Variants in LAYN observed in about 807,000 individuals in gnomAD.
LAYN encodes layilin.
In LAYN, 38 loss-of-function variants were observed where a neutral mutation model predicts 43.6. The ratio of observed to expected loss-of-function variants is 0.87; its 90% CI spans 0.67 to 1.14. The LOEUF is 1.14. LAYN is among the 50% of genes most tolerant of loss of function. LAYN has a pLI of 0.00. For synonymous variants in LAYN, 168 were observed against 172.9 expected, an observed-to-expected ratio of 0.97 and a Z score of 0.22; for missense variants, 479 against 463.8, an observed-to-expected ratio of 1.03 and a Z score of -0.30.
intron 6 of LAYN, among the ~76,000 whole-genome samples, chr11:111,559,724 G>A (rs994930445): frequency 6.6e-6 from 1 of 152,106 alleles, no homozygotes; most frequent in African/African-American, 2.4e-5. Context: ...CTCCCAAAGT[G>A]TTAGGATTAC....
intron 5 of LAYN, 56 bp from the exon 6 acceptor site, chr11:111,557,485 C>A: frequency 7.1e-7 from 1 of 1,406,500 alleles, no homozygotes; most frequent in Non-Finnish European, 1.0e-6. Context: ...GTTTGAAGCA[C>A]AGAAAAACAA....
At chr11:111,548,020 A>G (rs1867677217) in intron 2 of LAYN, among the ~76,000 whole-genome samples, 1 of 152,182 alleles carries the variant, frequency 6.6e-6, no homozygotes, top group South Asian at 2.1e-4. Context: ...TTCAATTCAT[A>G]TATTTGGGGA....
Position 111,554,569 on chromosome 11 carries a change from G to T in LAYN, c.550G>T (p.Ala184Ser). ...GTTTCTTTCTACTACAGAGAAACCA[G>T]CAGTTCCTTCTAGAGAAGCTGAAGG... ...FICKYSDEKPAVPSREAEGEE... is the reference protein window; with the variant it reads ...FICKYSDEKPSVPSREAEGEE... Residue 184 changes from alanine (A) to serine (S), a missense_variant, in exon 4 of 7, where the codon GCA becomes TCA. Coordinates refer to ENST00000375614, the MANE Select transcript of LAYN (RefSeq NM_178834.5). 6.2e-7 allele frequency: 1 copy of T among 1,612,792 alleles called. No homozygotes were observed. Among genetic ancestry groups the T allele is most frequent in the Non-Finnish European group, 8.5e-7 (1 of 1,179,526 alleles).
intron 2 of LAYN, among the ~76,000 whole-genome samples, chr11:111,546,574 A>G (rs1867652070): frequency 6.6e-6 from 1 of 152,192 alleles, no homozygotes; most frequent in African/African-American, 2.4e-5. Flanking sequence ...GGATTCCTCC[A>G]TGCAGTCACA....
rs760391744 is a variant in LAYN at position 111,555,307 on chromosome 11, C to T, written c.658+17C>T. 2.6e-6 allele frequency: 4 copies of T among 1,563,330 alleles called. No individual in the cohort carries two copies. The highest frequency in any genetic ancestry group is 1.1e-5 in the South Asian group (1 of 89,368). ...AAAGTAGAGGTATCTACAAAACTCTCCTGGGAAAGATGAATAATCAGGCTC... is the reference window on the plus strand; with the variant it reads ...AAAGTAGAGGTATCTACAAAACTCTTCTGGGAAAGATGAATAATCAGGCTC... On this transcript the variant is annotated intron_variant, in intron 5 of 6. Transcript: ENST00000375614.
chr11:111,548,468 G>C (rs1170161982), intron 2 of LAYN, among the ~76,000 whole-genome samples: 2 of 152,208 alleles, frequency 1.3e-5, no homozygotes, highest in East Asian at 1.9e-4. Flanking sequence ...GTCAGGGTAG[G>C]AGGCCCAACA....
At chr11:111,555,073 T>C in intron 4 of LAYN, 134 bp from the exon 5 acceptor site, 1 of 647,438 alleles carries the variant, frequency 1.5e-6, no homozygotes, top group Non-Finnish European at 2.8e-6. Flanking sequence ...AACCCTTTAC[T>C]TTTCTACGTT....
At position 111,561,567 on chromosome 11, in the gene LAYN, A is replaced by C. The variant is rs944167282; in HGVS notation, c.*1109A>C. ...TTGTGTTTGGCCTCAAATTCAGAGA[A>C]AAGTTTCTCAGCCCAGCATCAATCA... On this transcript the variant is annotated 3_prime_UTR_variant, in exon 7 of 7. Transcript: ENST00000375614. 16 of 152,210 alleles carry C rather than the reference A, an allele frequency of 1.1e-4. No individual in the cohort carries two copies. The highest frequency in any genetic ancestry group is 1.8e-4 in the Non-Finnish European group (12 of 68,040). The allele number at this position is 152,210 out of a possible 1,614,324, so 9.4% of individuals were successfully genotyped here. A position where few individuals can be genotyped will look rare whatever the true frequency, so the allele number is the denominator to read the frequency against.
intron 3 of LAYN, 85 bp downstream of exon 3, chr11:111,549,860 T>A: frequency 7.0e-7 from 1 of 1,418,640 alleles, no homozygotes; most frequent in Middle Eastern, 1.8e-4. Flanking sequence ...GAATTTGTCA[T>A]GTGGTCTCTG....
chr11:111,541,716 C>A, intron 1 of LAYN: 1 of 782,032 alleles, frequency 1.3e-6, no homozygotes, highest in Non-Finnish European at 2.2e-6. Flanking sequence ...GACTGGGAAC[C>A]TCCTCTACTC....
Position 111,560,259 on chromosome 11 carries a change from T to C in LAYN, c.926T>C (p.Val309Ala), listed in dbSNP as rs1355547800. Residue 309 changes from valine (V) to alanine (A), a missense_variant, in exon 7 of 7, where the codon GTG becomes GCG. Val to Ala is a moderately conservative substitution (Grantham distance 64). Coordinates refer to ENST00000375614, the MANE Select transcript of LAYN (RefSeq NM_178834.5). Reference protein sequence around the residue: ...RPDLKNISFRVCSGEATPDDM... With the variant: ...RPDLKNISFRACSGEATPDDM... ...GACCTGAAGAATATTTCATTCCGAG[T>C]GTGTTCGGGAGAAGCCACTCCCGAT... The C allele has an allele frequency of 6.2e-7, 1 of 1,614,080 alleles. No individual in the cohort carries two copies. Among genetic ancestry groups the C allele is most frequent in the Non-Finnish European group, 8.5e-7 (1 of 1,180,010 alleles).
Position 111,549,697 on chromosome 11 carries a change from A to G in LAYN, c.463A>G (p.Ile155Val), listed in dbSNP as rs150283266. 796 of 1,605,546 alleles carry G rather than the reference A, an allele frequency of 5.0e-4. No individual in the cohort carries two copies. The highest frequency in any genetic ancestry group is 1.0e-3 in the Admixed American group (59 of 58,398). The change falls in exon 3 of 7, where the codon ATC becomes GTC. Residue 155 changes from isoleucine to valine, a missense_variant. Transcript: ENST00000375614. Reference protein sequence around the residue: ...MYHQPSAPAGIGGPYMFQWND... With the variant: ...MYHQPSAPAGVGGPYMFQWND... Reference sequence around the variant, plus strand: ...CCATCAGCCATCGGCACCCGCTGGCATCGGAGGCCCCTACATGTTCCAGTG... The same window carrying G: ...CCATCAGCCATCGGCACCCGCTGGCGTCGGAGGCCCCTACATGTTCCAGTG...
chr11:111,554,253 C>T (rs1012212250), intron 3 of LAYN, among the ~76,000 whole-genome samples: 3 of 152,108 alleles, frequency 2.0e-5, no homozygotes, highest in Non-Finnish European at 2.9e-5. Context: ...AGCTGCATGA[C>T]GATACACAGG....
intron 3 of LAYN, 112 bp downstream of exon 3, chr11:111,549,887 A>C: frequency 1.8e-6 from 2 of 1,126,614 alleles, no homozygotes; most frequent in Non-Finnish European, 2.5e-6. Context: ...CTTGTTGCAA[A>C]TGCCAGCAAC....
chr11:111,555,229 A>G lies in LAYN; in HGVS notation c.597A>G (p.Thr199=). The stretch of plus-strand genomic sequence containing the variant: ...CAGGTGAGGAAACAGAGCTGACAAC[A>G]CCTGTACTTCCAGAAGAAACACAGG... The part of the protein sequence containing the change: ...EAEGEETELT[T]PVLPEETQEE... Residue 199 remains threonine, a synonymous_variant, in exon 5 of 7, where the codon ACA becomes ACG. Coordinates refer to ENST00000375614, the MANE Select transcript of LAYN (RefSeq NM_178834.5). The G allele has an allele frequency of 6.2e-7, 1 of 1,613,918 alleles. No homozygotes were observed. Among genetic ancestry groups the G allele is most frequent in the Non-Finnish European group, 8.5e-7 (1 of 1,179,832 alleles).
chr11:111,559,843 T>C (rs1017542394), intron 6 of LAYN, among the ~76,000 whole-genome samples: 3 of 152,090 alleles, frequency 2.0e-5, no homozygotes, highest in African/African-American at 7.2e-5. Flanking sequence ...CTCCAGGGAC[T>C]CTAGGGAACC....
chr11:111,541,887 C>T (rs1867548273), intron 1 of LAYN, among the ~76,000 whole-genome samples: 1 of 152,138 alleles, frequency 6.6e-6, no homozygotes, highest in Non-Finnish European at 1.5e-5. Flanking sequence ...CCACCCTTCG[C>T]CTTCCTGCAA....
chr11:111,553,244 AAAATAAAT>A (rs557098710), intron 3 of LAYN, among the ~76,000 whole-genome samples: 1 of 151,684 alleles, frequency 6.6e-6, no homozygotes, highest in Non-Finnish European at 1.5e-5. Context: ...CTCCATCTCA[AAAATAAAT>A]AAATAAATAA....
rs753723537 is a variant in LAYN, at chr11:111,544,016, A to G, written c.179A>G (p.Lys60Arg). 1.9e-6 allele frequency: 3 copies of G among 1,614,080 alleles called. No individual in the cohort carries two copies. Among genetic ancestry groups the G allele is most frequent in the Non-Finnish European group, 2.5e-6 (3 of 1,180,044 alleles). The change falls in exon 2 of 7, where the codon AAA becomes AGA. Residue 60 changes from lysine to arginine, a missense_variant. Lys to Arg is a conservative substitution (Grantham distance 26). Coordinates refer to ENST00000375614, the MANE Select transcript of LAYN (RefSeq NM_178834.5). The stretch of plus-strand genomic sequence containing the variant: ...CGAAGACTGAACTTTGAGGAAGCCA[A>G]AGAAGCCTGCAGGAGGGATGGAGGC... The part of the protein sequence containing the change: ...TSRRLNFEEA[K>R]EACRRDGGQL...
Sources: gnomAD v4.1 joint callset for allele counts (sites outside exome capture counted in the v4.1 genomes callset) on GRCh38, gnomAD v4.1.1 for gene constraint, MANE v1.5 for transcripts, NCBI Gene and HGNC (gene_info 2026-07-23, HGNC 2026-07-21) for gene names.